PTPRK: variants seen among roughly 807,000 people sequenced by gnomAD.
PTPRK encodes the protein receptor-type tyrosine-protein phosphatase kappa.
In PTPRK, 75 loss-of-function variants were observed where a neutral mutation model predicts 178.0. The ratio of observed to expected loss-of-function variants is 0.42; its 90% CI spans 0.35 to 0.51. The LOEUF (loss-of-function observed/expected upper bound fraction) is 0.51, where lower values mean the gene tolerates loss of function less well. PTPRK is among the 20% of genes least tolerant of loss of function. The probability of loss-of-function intolerance (pLI) is 0.02; values close to 1 mark genes in which losing one functional copy is unlikely to be tolerated. For missense variants in PTPRK, 1,441 were observed against 1,797.8 expected, an observed-to-expected ratio of 0.80 and a Z score of 3.59; for synonymous variants, 637 against 620.6, an observed-to-expected ratio of 1.03 and a Z score of -0.39.
chr6:128,470,828 T>C (rs1168657514), intron 1 of PTPRK, among the ~76,000 whole-genome samples: 2 of 144,090 alleles, frequency 1.4e-5, no homozygotes, highest in Non-Finnish European at 3.0e-5. Flanking sequence ...CAGCTTAACA[T>C]CCACAGTTAA....
intron 7 of PTPRK, among the ~76,000 whole-genome samples, chr6:128,130,642 G>C (rs149620670): frequency 1.3e-5 from 2 of 152,140 alleles, no homozygotes; most frequent in Admixed American, 6.5e-5. Flanking sequence ...CGTAAGACTT[G>C]TGAGCCTTGA....
intron 2 of PTPRK, among the ~76,000 whole-genome samples, chr6:128,371,554 T>G (rs1355473617): frequency 1.3e-5 from 2 of 152,300 alleles, no homozygotes; most frequent in East Asian, 3.9e-4. Flanking sequence ...TCAGCATATT[T>G]CAACAGTAGT....
chr6:128,236,590 A>G (rs1160072160), intron 5 of PTPRK, among the ~76,000 whole-genome samples: 1 of 151,550 alleles, frequency 6.6e-6, no homozygotes, highest in Admixed American at 6.6e-5. Flanking sequence ...CTCATGATCC[A>G]CCCACCTCGG....
chr6:128,391,832 C>T (rs2128364708), intron 2 of PTPRK, among the ~76,000 whole-genome samples: 1 of 151,948 alleles, frequency 6.6e-6, no homozygotes, highest in South Asian at 2.1e-4. Context: ...ACTAAATCTT[C>T]TCTTATAAAA....
intron 1 of PTPRK, among the ~76,000 whole-genome samples, chr6:128,399,950 T>C (rs2128370737): frequency 6.6e-6 from 1 of 152,336 alleles, no homozygotes; most frequent in East Asian, 1.9e-4. Context: ...AAATAATTTT[T>C]AATTTCTAAT....
intron 3 of PTPRK, among the ~76,000 whole-genome samples, chr6:128,296,415 A>G (rs1323723817): frequency 6.6e-6 from 1 of 152,172 alleles, no homozygotes; most frequent in Non-Finnish European, 1.5e-5. Context: ...TCCAAGACAC[A>G]TAATTGTCAG....
At chr6:128,296,804 A>G (rs1259753401) in intron 3 of PTPRK, among the ~76,000 whole-genome samples, 1 of 152,232 alleles carries the variant, frequency 6.6e-6, no homozygotes, top group African/African-American at 2.4e-5. Context: ...GGCTAGGAAG[A>G]AACTATATCA....
intron 1 of PTPRK, among the ~76,000 whole-genome samples, chr6:128,517,569 G>A (rs918679582): frequency 6.6e-6 from 1 of 152,162 alleles, no homozygotes; most frequent in Non-Finnish European, 1.5e-5. Context: ...TGGTTTTAAA[G>A]AGGCTCACAG....
At chr6:128,160,676 T>G (rs1398618006) in intron 7 of PTPRK, among the ~76,000 whole-genome samples, 1 of 151,704 alleles carries the variant, frequency 6.6e-6, no homozygotes, top group Non-Finnish European at 1.5e-5. Flanking sequence ...CTCATGAGGT[T>G]GCTAAATTGA....
chr6:128,321,978 T>A (rs1415048380), intron 3 of PTPRK, 61 bp downstream of exon 3: 8 of 1,601,336 alleles, frequency 5.0e-6, no homozygotes, highest in Non-Finnish European at 6.8e-6. Context: ...CATCTATGTA[T>A]TACACATATA....
At chr6:128,098,408 T>C (rs987493246) in intron 7 of PTPRK, among the ~76,000 whole-genome samples, 1 of 152,062 alleles carries the variant, frequency 6.6e-6, no homozygotes, top group Non-Finnish European at 1.5e-5. Flanking sequence ...TCTCAAAAAG[T>C]CCTCTGTTCT....
At chr6:127,999,805 T>A (rs1329802302) in intron 15 of PTPRK, 2 of 270,190 alleles carry the variant, frequency 7.4e-6, no homozygotes, top group Non-Finnish European at 1.1e-5. Context: ...CTATTCCTAG[T>A]GCCTGATGCA....
At position 128,184,413 on chromosome 6, in the gene PTPRK, G is replaced by A. The variant is rs745786441; in HGVS notation, c.1162+19C>T. 49 of 1,608,928 alleles carry A rather than the reference G, an allele frequency of 3.0e-5. No homozygotes were observed. The highest frequency in any genetic ancestry group is 8.8e-5 in the South Asian group (8 of 90,802). ...TAGATTCCTTCACAAGGTAGAAAAG[G>A]TCTGCTACTCAGTCTTACCTGCACA... On this transcript the variant is annotated intron_variant, in intron 7 of 29. Transcript: ENST00000368226.
In PTPRK at chr6:128,467,472, C is replaced by T. The variant is rs150300126; in HGVS notation, c.100+52787G>A. Reference sequence around the variant, plus strand: ...ACTCCCAGAAGAACTACATCCTAACCGTAAGAAAACTTACAGATCTGTGTC... The same window carrying T: ...ACTCCCAGAAGAACTACATCCTAACTGTAAGAAAACTTACAGATCTGTGTC... On this transcript the variant is annotated intron_variant, in intron 1 of 29. Transcript: ENST00000368226. Among the ~76,000 whole-genome samples, 141 of 152,312 alleles carry T rather than the reference C, an allele frequency of 9.3e-4. 1 individual carries two copies. Among genetic ancestry groups the T allele is most frequent in the Non-Finnish European group, 1.6e-3 (107 of 68,030 alleles).
rs56189580 is a variant in PTPRK, at chr6:128,407,633, CAAA to C, written c.101-9948_101-9946del. Reference sequence around the variant, plus strand: ...CCTGATGGACAGAGCAAGACCCTATCAAAAAAAAAAAAAAAAAAAAAAGAAGAA... The same window carrying C: ...CCTGATGGACAGAGCAAGACCCTATCAAAAAAAAAAAAAAAAAAAGAAGAA... On this transcript the variant is annotated intron_variant, in intron 1 of 29. Coordinates refer to ENST00000368226, the MANE Select transcript of PTPRK (RefSeq NM_002844.4). 4.9e-3 allele frequency among the ~76,000 whole-genome samples: 482 copies of C among 97,742 alleles called. 1 individual carries two copies. The highest frequency in any genetic ancestry group is 7.4e-3 in the Non-Finnish European group (380 of 51,540). 64.1% of individuals were successfully genotyped at this position (97,742 alleles called of 152,430 possible).
At chr6:128,213,197 C>G (rs1026045081) in intron 6 of PTPRK, among the ~76,000 whole-genome samples, 1 of 151,996 alleles carries the variant, frequency 6.6e-6, no homozygotes, top group Admixed American at 6.6e-5. Flanking sequence ...ACATCTAGCA[C>G]TCTTTTGCTC....
chr6:128,220,335 GA>G (rs1220935942), intron 5 of PTPRK, among the ~76,000 whole-genome samples: 2 of 152,148 alleles, frequency 1.3e-5, no homozygotes, highest in African/African-American at 4.8e-5. Flanking sequence ...TAACAACCAT[GA>G]AATGAGATTG....
At chr6:128,196,543 G>A (rs1041204581) in intron 6 of PTPRK, among the ~76,000 whole-genome samples, 11 of 152,168 alleles carry the variant, frequency 7.2e-5, no homozygotes, top group African/African-American at 2.4e-4. Context: ...TGGGGCATCT[G>A]ACATTCATAG....
intron 7 of PTPRK, among the ~76,000 whole-genome samples, chr6:128,096,681 T>C (rs142943735): frequency 1.9e-3 from 286 of 152,302 alleles, no homozygotes; most frequent in African/African-American, 6.1e-3. Flanking sequence ...CGCTGAAGCA[T>C]GACAGGAGCT....
Sources: gnomAD v4.1 joint callset for allele counts (sites outside exome capture counted in the v4.1 genomes callset) on GRCh38, gnomAD v4.1.1 for gene constraint, MANE v1.5 for transcripts, NCBI Gene and HGNC (gene_info 2026-07-23, HGNC 2026-07-21) for gene names.